The following XRCC4 variants were observed in gnomAD, a reference collection of about 807,000 sequenced individuals.
The protein encoded by XRCC4 is DNA repair protein XRCC4.
In XRCC4, 28 loss-of-function variants were observed where a neutral mutation model predicts 39.1. That is an observed-to-expected ratio of 0.72 (90% confidence interval 0.53 to 0.98). The LOEUF is 0.98. Ranked by LOEUF, XRCC4 falls within the 50% of genes least tolerant of loss-of-function variation. The pLI, the probability that XRCC4 is intolerant of heterozygous loss-of-function variation, is 0.00. For missense variants in XRCC4, 350 were observed against 376.4 expected, an observed-to-expected ratio of 0.93 and a Z score of 0.58; for synonymous variants, 123 against 126.4, an observed-to-expected ratio of 0.97 and a Z score of 0.18.
At chr5:83,098,207 C>G (rs181876116) in intron 1 of XRCC4, among the ~76,000 whole-genome samples, 7 of 152,166 alleles carry the variant, frequency 4.6e-5, no homozygotes, top group Admixed American at 4.6e-4. Context: ...ACCAAGAGGC[C>G]TTATTTTTCT....
At chr5:83,107,599 G>A (rs892508834) in intron 2 of XRCC4, among the ~76,000 whole-genome samples, 49 of 151,672 alleles carry the variant, frequency 3.2e-4, no homozygotes, top group African/African-American at 1.2e-3. Context: ...TATTACAGGC[G>A]GTTATATCAC....
chr5:83,302,372 G>A (rs552945004), intron 7 of XRCC4, among the ~76,000 whole-genome samples: 9 of 152,296 alleles, frequency 5.9e-5, no homozygotes, highest in African/African-American at 1.9e-4. Context: ...TGCAGGTTGC[G>A]AAGAACATGG....
At chr5:83,262,379 T>A (rs1189596899) in intron 7 of XRCC4, among the ~76,000 whole-genome samples, 1 of 152,126 alleles carries the variant, frequency 6.6e-6, no homozygotes, top group Non-Finnish European at 1.5e-5. Flanking sequence ...TATTTGGAAT[T>A]GTGTTCCAGA....
intron 1 of XRCC4, among the ~76,000 whole-genome samples, chr5:83,086,123 A>T (rs1261638810): frequency 6.6e-6 from 1 of 152,216 alleles, no homozygotes; most frequent in Non-Finnish European, 1.5e-5. Flanking sequence ...GGTGGCTTTT[A>T]AATAGTAATC....
At chr5:83,321,887 G>A (rs1756088524) in intron 7 of XRCC4, among the ~76,000 whole-genome samples, 1 of 151,380 alleles carries the variant, frequency 6.6e-6, no homozygotes, top group South Asian at 2.1e-4. Flanking sequence ...ACAAAGACCA[G>A]GAAACCAGCC....
rs770811313 is a variant in XRCC4, at chr5:83,186,941, A to ATTTTTTTTTTTTTTTTT, written c.316-8825_316-8809dup. Among the ~76,000 whole-genome samples the ATTTTTTTTTTTTTTTTT allele has an allele frequency of 2.3e-4, 20 of 87,496 alleles. 2 individuals are homozygous for ATTTTTTTTTTTTTTTTT. Among genetic ancestry groups the ATTTTTTTTTTTTTTTTT allele is most frequent in the African/African-American group, 1.2e-3 (20 of 16,636 alleles). The allele number at this position is 87,496 out of a possible 152,430, so 57.4% of individuals were successfully genotyped here. ...TTTTGGCTCATGGCCTGCTTCTTCC[A>ATTTTTTTTTTTTTTTTT]TTTTTTTTTTTTTTTTTTTTGAGAC... is the stretch of plus-strand genomic sequence containing the variant. On this transcript the variant is annotated intron_variant, in intron 3 of 7. Transcript: ENST00000396027.
chr5:83,211,677 T>A (rs141402791), intron 6 of XRCC4, among the ~76,000 whole-genome samples: 1 of 152,322 alleles, frequency 6.6e-6, no homozygotes, highest in African/African-American at 2.4e-5. Context: ...TGTGCATTAT[T>A]TCTATCAATT....
Position 83,111,185 on chromosome 5 carries a change from A to G in XRCC4, c.297A>G (p.Lys99=), listed in dbSNP as rs1005365746. The change falls in exon 3 of 8, where the codon AAA becomes AAG. Residue 99 remains lysine (K), a synonymous_variant. Transcript: ENST00000396027. Reference sequence around the variant, plus strand: ...AGTCTTGTTATTTCTTCTTTGAGAAAAACCTGAAAGATGTCTCAGTAAGTA... The same window carrying G: ...AGTCTTGTTATTTCTTCTTTGAGAAGAACCTGAAAGATGTCTCAGTAAGTA... ...SKESCYFFFE[K]NLKDVSFRLG... is the part of the protein sequence containing the mutation. 5.0e-6 allele frequency: 8 copies of G among 1,589,630 alleles called. No individual in the cohort carries two copies. Among genetic ancestry groups the G allele is most frequent in the Non-Finnish European group, 6.8e-6 (8 of 1,172,272 alleles).
intron 3 of XRCC4, among the ~76,000 whole-genome samples, chr5:83,114,459 A>G: frequency 6.6e-6 from 1 of 152,170 alleles, no homozygotes; most frequent in East Asian, 1.9e-4. Flanking sequence ...TCTCAAGTTG[A>G]AAGTTCCACA....
At chr5:83,096,670 G>A (rs1463237040) in intron 1 of XRCC4, among the ~76,000 whole-genome samples, 1 of 152,072 alleles carries the variant, frequency 6.6e-6, no homozygotes, top group Non-Finnish European at 1.5e-5. Flanking sequence ...TCTTATTGTA[G>A]GTGTACACAT....
chr5:83,374,082 A>G, the XRCC4 span, among the ~76,000 whole-genome samples: 5 of 152,182 alleles, frequency 3.3e-5, no homozygotes, highest in African/African-American at 9.7e-5. Context: ...TCTTTTGTCA[A>G]TGTGGAAAAG....
rs56183616 is a variant in XRCC4, at chr5:83,103,009, GATATATAT to G, written c.-10-1886_-10-1879del. 1.7e-4 allele frequency among the ~76,000 whole-genome samples: 18 copies of G among 106,460 alleles called. No individual in the cohort carries two copies. In the South Asian group the frequency reaches 2.0e-3, roughly 12 times the overall value. 69.8% of individuals were successfully genotyped at this position (106,460 alleles called of 152,430 possible). A position where few individuals can be genotyped will look rare whatever the true frequency, so the allele number is the denominator to read the frequency against. ...ATAGGGTTCCAGTAAAGATAGAGCT[GATATATAT>G]ATATATATATATATGTCAACATATT... is the stretch of plus-strand genomic sequence containing the variant. On this transcript the variant is annotated intron_variant, in intron 1 of 7. Coordinates refer to ENST00000396027, the MANE Select transcript of XRCC4 (RefSeq NM_003401.5).
chr5:83,134,698 T>C (rs964427832), intron 3 of XRCC4, among the ~76,000 whole-genome samples: 3 of 152,168 alleles, frequency 2.0e-5, no homozygotes, highest in African/African-American at 7.2e-5. Context: ...TCGGGTACCC[T>C]TGCGTGTTGT....
chr5:83,175,670 G>A (rs532336561), intron 3 of XRCC4, among the ~76,000 whole-genome samples: 1 of 152,138 alleles, frequency 6.6e-6, no homozygotes, highest in East Asian at 1.9e-4. Flanking sequence ...GTGCAGTGGT[G>A]TCATCTCGGC....
intron 4 of XRCC4, among the ~76,000 whole-genome samples, chr5:83,199,120 C>T (rs887949524): frequency 6.6e-6 from 1 of 152,104 alleles, no homozygotes; most frequent in African/African-American, 2.4e-5. Context: ...ACCTTGAAAG[C>T]TCTTCTACTT....
At chr5:83,369,165 T>A in the XRCC4 span, among the ~76,000 whole-genome samples, 1 of 152,166 alleles carries the variant, frequency 6.6e-6, no homozygotes, top group Non-Finnish European at 1.5e-5. Context: ...AAAGCAATGA[T>A]CTTGCAAGAA....
intron 4 of XRCC4, among the ~76,000 whole-genome samples, chr5:83,198,873 A>G (rs1021464721): frequency 6.6e-6 from 1 of 151,876 alleles, no homozygotes; most frequent in Non-Finnish European, 1.5e-5. Flanking sequence ...AAAGGAGGAA[A>G]CATTTAAGAT....
chr5:83,168,145 T>A (rs1463516709), intron 3 of XRCC4, among the ~76,000 whole-genome samples: 1 of 152,192 alleles, frequency 6.6e-6, no homozygotes, highest in Non-Finnish European at 1.5e-5. Flanking sequence ...AACTGTATGC[T>A]GTTTATAAGA....
intron 7 of XRCC4, among the ~76,000 whole-genome samples, chr5:83,348,992 G>A (rs1357553374): frequency 1.3e-5 from 2 of 152,210 alleles, no homozygotes; most frequent in South Asian, 4.2e-4. Flanking sequence ...ACCTCAGCCT[G>A]GACTTTATTG....
Sources: gnomAD v4.1 joint callset for allele counts (sites outside exome capture counted in the v4.1 genomes callset) on GRCh38, gnomAD v4.1.1 for gene constraint, MANE v1.5 for transcripts, NCBI Gene and HGNC (gene_info 2026-07-23, HGNC 2026-07-21) for gene names.